The following ERICH3 variants were observed in gnomAD, a reference collection of about 807,000 sequenced individuals.
ERICH3 encodes the protein glutamate-rich protein 3.
ERICH3 carries 126 observed loss-of-function variants against 131.1 expected under a neutral mutation model. The observed-to-expected ratio is 0.96, with a 90% CI of 0.83 to 1.11. ERICH3 has a LOEUF of 1.11. Ranked by LOEUF, ERICH3 falls within the 50% of genes most tolerant of loss-of-function variation. ERICH3 has a pLI of 0.00. For missense variants in ERICH3, 2,050 were observed against 1,810.7 expected, an observed-to-expected ratio of 1.13 and a Z score of -2.40; for synonymous variants, 695 against 644.6, an observed-to-expected ratio of 1.08 and a Z score of -1.18.
chr1:74,582,145 C>A (rs918644548), intron 12 of ERICH3, among the ~76,000 whole-genome samples: 2 of 152,162 alleles, frequency 1.3e-5, no homozygotes, highest in African/African-American at 2.4e-5. Flanking sequence ...ATGGTGGCAA[C>A]AGTGGAGAAC....
chr1:74,641,968 T>G (rs1424589592), intron 4 of ERICH3, among the ~76,000 whole-genome samples: 1 of 152,120 alleles, frequency 6.6e-6, no homozygotes, highest in African/African-American at 2.4e-5. Context: ...CTTTAGTGGG[T>G]CTGGCTACCT....
rs1430672403 is a variant in ERICH3 at position 74,606,840 on chromosome 1, C to A, written c.1250G>T (p.Ser417Ile). Reference protein sequence around the residue: ...PSLPKSRKEKSTEKGEELKKA... With the variant: ...PSLPKSRKEKITEKGEELKKA... ...CTTCAGTTCCTCTCCTTTCTCAGTGCTCTTTTCTTTCCTAGATTTCGGCAA... is the reference window on the plus strand; with the variant it reads ...CTTCAGTTCCTCTCCTTTCTCAGTGATCTTTTCTTTCCTAGATTTCGGCAA... Residue 417 changes from serine (S) to isoleucine (I), a missense_variant, in exon 10 of 15, where the codon AGC (serine) becomes ATC (isoleucine). Ser to Ile is a moderately radical substitution (Grantham distance 142). Coordinates refer to ENST00000326665, the MANE Select transcript of ERICH3 (RefSeq NM_001002912.5). 6.2e-7 allele frequency: 1 copy of A among 1,612,840 alleles called. No individual in the cohort carries two copies. Among genetic ancestry groups the A allele is most frequent in the East Asian group, 2.2e-5 (1 of 44,840 alleles).
At chr1:74,643,825 T>C (rs985945963) in intron 3 of ERICH3, among the ~76,000 whole-genome samples, 1 of 152,086 alleles carries the variant, frequency 6.6e-6, no homozygotes, top group African/African-American at 2.4e-5. Context: ...ACTAGCTTCC[T>C]GTTTTTCGCT....
chr1:74,632,146 CAT>C (rs1646344563), intron 6 of ERICH3, among the ~76,000 whole-genome samples: 1 of 152,060 alleles, frequency 6.6e-6, no homozygotes, highest in Admixed American at 6.6e-5. Flanking sequence ...TTTTAACTAA[CAT>C]AAAGTGATGA....
At chr1:74,612,898 T>C in intron 8 of ERICH3, 89 bp from the exon 9 acceptor site, 14 of 1,142,410 alleles carry the variant, frequency 1.2e-5, no homozygotes, top group Non-Finnish European at 1.7e-5. Flanking sequence ...ATAAACACAA[T>C]ATTATGATCT....
intron 7 of ERICH3, among the ~76,000 whole-genome samples, chr1:74,630,222 T>C (rs762817765): frequency 2.6e-5 from 4 of 152,164 alleles, no homozygotes; most frequent in Non-Finnish European, 5.9e-5. Context: ...TTTGAGAGCA[T>C]GTTCATTGGC....
At chr1:74,635,900 A>G (rs1646384633) in intron 6 of ERICH3, among the ~76,000 whole-genome samples, 1 of 152,202 alleles carries the variant, frequency 6.6e-6, no homozygotes. Context: ...ATGCAAACCT[A>G]TTCTTGGAAA....
Position 74,572,518 on chromosome 1 carries a change from C to G in ERICH3, c.3192G>C (p.Glu1064Asp), listed in dbSNP as rs1403918696. The G allele has an allele frequency of 2.5e-6, 4 of 1,613,976 alleles. No homozygotes were observed. In the African/African-American group the frequency reaches 5.3e-5, roughly 22 times the overall value. ...TTTTCCTCAGAGATGTTTTTGGCCT[C>G]TCAGCTTTCCTTCGCTCTCTTGCTA... Reference protein sequence around the residue: ...LDLARERRKAERPKTSLRKTD... With the variant: ...LDLARERRKADRPKTSLRKTD... Residue 1064 changes from glutamate to aspartate, a missense_variant, in exon 14 of 15, where the codon GAG becomes GAC. Transcript: ENST00000326665.
At chr1:74,583,989 C>T (rs1647227668) in intron 12 of ERICH3, among the ~76,000 whole-genome samples, 1 of 152,080 alleles carries the variant, frequency 6.6e-6, no homozygotes, top group Admixed American at 6.5e-5. Flanking sequence ...TGAAAGAATG[C>T]CATAAAAACA....
At position 74,570,105 on chromosome 1, in the gene ERICH3, A is replaced by G. The variant is rs1646918464; in HGVS notation, c.*353T>C. ...AAAGGACTTTAAACAAACCCCTAAC[A>G]TTAGGACTGGGCCTTCCAGTGATCT... On this transcript the variant is annotated 3_prime_UTR_variant, in exon 15 of 15. Transcript: ENST00000326665. 1 of 152,236 alleles carries G rather than the reference A, an allele frequency of 6.6e-6. No individual in the cohort carries two copies. Among genetic ancestry groups the G allele is most frequent in the South Asian group, 2.1e-4 (1 of 4,836 alleles). 9.4% of individuals were successfully genotyped at this position (152,236 alleles called of 1,614,324 possible). A position where few individuals can be genotyped will look rare whatever the true frequency, so the allele number is the denominator to read the frequency against.
chr1:74,628,694 TACAC>T (rs3036412), intron 7 of ERICH3, among the ~76,000 whole-genome samples: 2 of 148,792 alleles, frequency 1.3e-5, no homozygotes, highest in Non-Finnish European at 3.0e-5. Flanking sequence ...CCATATACAG[TACAC>T]ACACACACAC....
chr1:74,632,287 T>A (rs978841934), intron 6 of ERICH3, among the ~76,000 whole-genome samples: 1 of 152,060 alleles, frequency 6.6e-6, no homozygotes, highest in East Asian at 1.9e-4. Context: ...AATAGGAAAT[T>A]AGGACTTTTT....
chr1:74,632,584 A>G (rs1557692787), intron 6 of ERICH3, among the ~76,000 whole-genome samples: 2 of 151,996 alleles, frequency 1.3e-5, no homozygotes, highest in Non-Finnish European at 2.9e-5. Flanking sequence ...ACACATATAT[A>G]TGAAGAAGTT....
chr1:74,644,915 G>C (rs554802179), intron 3 of ERICH3, among the ~76,000 whole-genome samples: 1 of 152,104 alleles, frequency 6.6e-6, no homozygotes, highest in East Asian at 1.9e-4. Flanking sequence ...CCAGAGACTG[G>C]GTACCAACTT....
chr1:74,660,793 A>G (rs542058362), intron 1 of ERICH3, among the ~76,000 whole-genome samples: 1 of 151,928 alleles, frequency 6.6e-6, no homozygotes, highest in Non-Finnish European at 1.5e-5. Context: ...ACAAATGCTT[A>G]TGAATGGTAC....
intron 7 of ERICH3, among the ~76,000 whole-genome samples, chr1:74,627,537 T>C (rs932252698): frequency 6.6e-6 from 1 of 152,078 alleles, no homozygotes; most frequent in African/African-American, 2.4e-5. Flanking sequence ...ACAGAGATTC[T>C]CAGATTGAAT....
intron 12 of ERICH3, among the ~76,000 whole-genome samples, chr1:74,581,840 A>G (rs1647187704): frequency 6.6e-6 from 1 of 152,208 alleles, no homozygotes; most frequent in African/African-American, 2.4e-5. Context: ...ATTGGGATGC[A>G]GATTTTCCTC....
At chr1:74,636,500 T>C (rs1023874605) in intron 5 of ERICH3, 62 bp from the exon 6 acceptor site, 4 of 1,466,300 alleles carry the variant, frequency 2.7e-6, no homozygotes, top group Middle Eastern at 1.8e-4. Flanking sequence ...CCAGAACCAA[T>C]TAATAACCCA....
chr1:74,623,242 T>C (rs1649290787), intron 7 of ERICH3: 1 of 151,748 alleles, frequency 6.6e-6, no homozygotes, highest in South Asian at 2.1e-4. Flanking sequence ...CTTATGACTT[T>C]CCTTCTCATT....
Sources: gnomAD v4.1 joint callset for allele counts (sites outside exome capture counted in the v4.1 genomes callset) on GRCh38, gnomAD v4.1.1 for gene constraint, MANE v1.5 for transcripts, NCBI Gene and HGNC (gene_info 2026-07-23, HGNC 2026-07-21) for gene names.